The following NOX1 variants were observed in gnomAD, a reference collection of about 807,000 sequenced individuals.
NOX1 encodes the protein NADPH oxidase 1.
In NOX1, 34 loss-of-function variants were observed where a neutral mutation model predicts 42.5. That is an observed-to-expected ratio of 0.80 (90% CI 0.61 to 1.07). The LOEUF is 1.07. NOX1 is among the 50% of genes least tolerant of loss of function. NOX1 has a pLI of 0.00. For missense variants in NOX1, 408 were observed against 427.0 expected (o/e 0.96, Z 0.39); for synonymous variants, 143 against 152.5 (o/e 0.94, Z 0.46).
chrX:100,852,689 G>A (rs766304970), intron 7 of NOX1, among the ~76,000 whole-genome samples: 33 of 111,871 alleles, frequency 2.9e-4, no homozygotes, highest in African/African-American at 9.7e-4. Flanking sequence ...TATCTCTAGG[G>A]AAGGAAGAGG....
In NOX1 at chrX:100,862,802, T is replaced by C. The variant is rs762890456; in HGVS notation, c.356A>G (p.His119Arg). Residue 119 changes from histidine to arginine, a missense_variant, in exon 5 of 13, where the codon CAC (histidine) becomes CGC (arginine). By Grantham distance (29) the His-to-Arg change is conservative. Coordinates refer to ENST00000372966, the MANE Select transcript of NOX1 (RefSeq NM_007052.5). ...GCTATAGCAGTCAAAGTTAAACAGG[T>C]GTGCAATGATGTGAATAGCTAAATG... Reference protein sequence around the residue: ...CLHTAIHIIAHLFNFDCYSRS... With the variant: ...CLHTAIHIIARLFNFDCYSRS... 1 of 1,197,443 alleles carries C rather than the reference T, an allele frequency of 8.4e-7. No individual in the cohort carries two copies. The highest frequency in any genetic ancestry group is 2.4e-5 in the Admixed American group (1 of 41,721).
chrX:100,846,227 T>A (rs2085072405), intron 12 of NOX1, among the ~76,000 whole-genome samples: 1 of 112,388 alleles, frequency 8.9e-6, no homozygotes, highest in African/African-American at 3.2e-5. Flanking sequence ...AGCTGGAAAC[T>A]GTGTTTAACA....
chrX:100,851,088 C>T, intron 8 of NOX1, 145 bp downstream of exon 8: 2 of 385,152 alleles, frequency 5.2e-6, no homozygotes, highest in Admixed American at 1.0e-4. Flanking sequence ...GATCTGCCCT[C>T]CTTGGCCTCC....
rs1282099576 is a variant in NOX1 at position 100,853,298 on chromosome X, CTT to C, written c.805-1975_805-1974del. Among the ~76,000 whole-genome samples, 178 of 66,668 alleles carry C rather than the reference CTT, an allele frequency of 2.7e-3. 1 individual carries two copies. Among genetic ancestry groups the C allele is most frequent in the African/African-American group, 0.011 (163 of 15,426 alleles). 57.9% of individuals were successfully genotyped at this position (66,668 alleles called of 115,157 possible). A position where few individuals can be genotyped will look rare whatever the true frequency, so the allele number is the denominator to read the frequency against. On this transcript the variant is annotated intron_variant, in intron 7 of 12. Coordinates refer to ENST00000372966, the MANE Select transcript of NOX1 (RefSeq NM_007052.5). ...TCTTTCTTTCTTTCTTTCTTTCTTT[CTT>C]TCTTTCTTTCTTTCTTTCTTTCTCT...
At chrX:100,849,001 A>G (rs1341889619) in intron 11 of NOX1, among the ~76,000 whole-genome samples, 6 of 111,604 alleles carry the variant, frequency 5.4e-5, no homozygotes, top group African/African-American at 1.6e-4. Flanking sequence ...GCTTAAACCC[A>G]GGAGGCAGAG....
At chrX:100,866,454 A>C (rs2085238289) in intron 2 of NOX1, among the ~76,000 whole-genome samples, 1 of 107,368 alleles carries the variant, frequency 9.3e-6, no homozygotes, top group Admixed American at 1.0e-4. Flanking sequence ...TGCGTGTCTG[A>C]TACATTTGTG....
chrX:100,848,775 G>A (rs1217494448), intron 11 of NOX1, 21 bp from the exon 12 acceptor site: 1 of 1,201,788 alleles, frequency 8.3e-7, no homozygotes, highest in Admixed American at 2.2e-5. Flanking sequence ...AGGAATAAAA[G>A]TTAGAAAAAC....
chrX:100,862,435 G>T lies in NOX1; in HGVS notation c.628C>A (p.Leu210Ile), dbSNP rs1471824492. The change falls in exon 6 of 13, where the codon CTT becomes ATT. Residue 210 changes from leucine (L) to isoleucine (I), a missense_variant. Coordinates refer to ENST00000372966, the MANE Select transcript of NOX1 (RefSeq NM_007052.5). ...YFEVFWYTHH[L>I]FIFYILGLGI... ...AAGCCAAGGATATAGAAGATAAAAA[G>T]GTGGTGAGTATACCAGAAGACTTCA... 1 of 1,209,503 alleles carries T rather than the reference G, an allele frequency of 8.3e-7. No homozygotes were observed. The highest frequency in any genetic ancestry group is 1.7e-5 in the African/African-American group (1 of 57,195).
chrX:100,855,637 C>A (rs1033757248), intron 7 of NOX1: 1 of 1,031,800 alleles, frequency 9.7e-7, no homozygotes, highest in African/African-American at 1.9e-5. Context: ...TAACCAGGGC[C>A]GCCTCCTGGA....
intron 12 of NOX1, among the ~76,000 whole-genome samples, chrX:100,847,013 C>A (rs371212955): frequency 1.8e-5 from 2 of 111,711 alleles, no homozygotes; most frequent in Admixed American, 1.9e-4. Flanking sequence ...TATGGCGAAA[C>A]CCCATCTCTA....
intron 12 of NOX1, among the ~76,000 whole-genome samples, chrX:100,845,823 G>A (rs756401606): frequency 1.3e-4 from 13 of 100,859 alleles, no homozygotes; most frequent in Admixed American, 2.2e-4. Flanking sequence ...TCTCGCTGTC[G>A]CCCAGGCTGG....
intron 2 of NOX1, among the ~76,000 whole-genome samples, chrX:100,868,844 G>GT (rs1275545779): frequency 9.0e-6 from 1 of 111,518 alleles, no homozygotes; most frequent in Non-Finnish European, 1.9e-5. Flanking sequence ...TGTATAAGGT[G>GT]TAAGGAAGGG....
At chrX:100,859,620 A>G (rs973750083) in intron 7 of NOX1, among the ~76,000 whole-genome samples, 9 of 109,614 alleles carry the variant, frequency 8.2e-5, no homozygotes, top group African/African-American at 3.0e-4. Context: ...TTGGAACTCA[A>G]TATTGGTCTG....
intron 12 of NOX1, among the ~76,000 whole-genome samples, chrX:100,845,296 A>T (rs779338254): frequency 8.9e-6 from 1 of 111,916 alleles, no homozygotes; most frequent in Non-Finnish European, 1.9e-5. Context: ...TGTTTCACAT[A>T]AGTGGAATCA....
Position 100,862,037 on chromosome X carries a change from C to T in NOX1, c.804+134G>A, listed in dbSNP as rs1015765785. ...GGAAGTTTCTTAAAGGTAGGAACCC[C>T]ATAGATATCCTTCATAAGACCCAGC... On this transcript the variant is annotated intron_variant, in intron 7 of 12. Coordinates refer to ENST00000372966, the MANE Select transcript of NOX1 (RefSeq NM_007052.5). 4.2e-6 allele frequency: 3 copies of T among 713,442 alleles called. No individual in the cohort carries two copies. In the African/African-American group the frequency reaches 6.6e-5, roughly 16 times the overall value. 58.8% of individuals were successfully genotyped at this position (713,442 alleles called of 1,213,427 possible).
In NOX1 at chrX:100,853,253, CCTTCCTTCCTTTCTTTCTTTCTTT is replaced by C. The variant is rs1341347310; in HGVS notation, c.805-1952_805-1929del. 3.0e-4 allele frequency among the ~76,000 whole-genome samples: 10 copies of C among 33,408 alleles called. No individual in the cohort carries two copies. The South Asian group carries it at 4.0e-3, about 13-fold the overall frequency. The allele number at this position is 33,408 out of a possible 115,157, so 29.0% of individuals were successfully genotyped here. A position where few individuals can be genotyped will look rare whatever the true frequency, so the allele number is the denominator to read the frequency against. ...TTTCTTTTTCTTTCTTTCCTTCCTTCCTTCCTTCCTTTCTTTCTTTCTTTCTTTCTTTCTTTCTTTCTTTCTTTC... is the reference window on the plus strand; with the variant it reads ...TTTCTTTTTCTTTCTTTCCTTCCTTCCTTTCTTTCTTTCTTTCTTTCTTTC... On this transcript the variant is annotated intron_variant, in intron 7 of 12. Coordinates refer to ENST00000372966, the MANE Select transcript of NOX1 (RefSeq NM_007052.5).
chrX:100,867,242 G>A (rs1213698110), intron 2 of NOX1, among the ~76,000 whole-genome samples: 2 of 110,808 alleles, frequency 1.8e-5, no homozygotes, highest in African/African-American at 6.6e-5. Context: ...CCGTGGTCTC[G>A]ATCTCCTGAC....
At position 100,851,328 on chromosome X, in the gene NOX1, G is replaced by A. The variant is rs764250572; in HGVS notation, c.805-3C>T. The A allele has an allele frequency of 2.7e-6, 3 of 1,099,399 alleles. No individual in the cohort carries two copies. The South Asian group carries it at 6.1e-5, about 22-fold the overall frequency. 90.6% of individuals were successfully genotyped at this position (1,099,399 alleles called of 1,213,427 possible). On this transcript the variant is annotated splice_polypyrimidine_tract_variant and splice_region_variant and intron_variant, in intron 7 of 12. Transcript: ENST00000372966. ...GGTGCAAGGATCCACTTCCAAGACTGCACAGAGACAGGGTTAAGAATGAGA... is the reference window on the plus strand; with the variant it reads ...GGTGCAAGGATCCACTTCCAAGACTACACAGAGACAGGGTTAAGAATGAGA...
intron 2 of NOX1, among the ~76,000 whole-genome samples, chrX:100,865,554 G>A (rs1395166431): frequency 8.9e-6 from 1 of 112,397 alleles, no homozygotes. Context: ...ACTTCATAGC[G>A]AATCAAATTG....
Sources: gnomAD v4.1 joint callset for allele counts (sites outside exome capture counted in the v4.1 genomes callset) on GRCh38, gnomAD v4.1.1 for gene constraint, MANE v1.5 for transcripts, NCBI Gene and HGNC (gene_info 2026-07-23, HGNC 2026-07-21) for gene names.